The following TMEM132D variants were observed in gnomAD, a reference collection of about 807,000 sequenced individuals.
The protein encoded by TMEM132D is mature OL transmembrane protein.
In TMEM132D, 21 loss-of-function variants were observed where a neutral mutation model predicts 62.3. The ratio of observed to expected loss-of-function variants is 0.34; its 90% CI spans 0.24 to 0.49. TMEM132D has a LOEUF of 0.49. TMEM132D is among the 20% of genes least tolerant of loss of function. TMEM132D has a pLI of 0.99. For missense variants in TMEM132D, 1,346 were observed against 1,402.8 expected, an observed-to-expected ratio of 0.96 and a Z score of 0.65; for synonymous variants, 621 against 575.6, an observed-to-expected ratio of 1.08 and a Z score of -1.13.
At chr12:129,691,067 A>C (rs1196134715) in intron 2 of TMEM132D, among the ~76,000 whole-genome samples, 1 of 152,098 alleles carries the variant, frequency 6.6e-6, no homozygotes, top group Non-Finnish European at 1.5e-5. Context: ...TGTTAATTAA[A>C]AACACACTTC....
chr12:129,209,434 AG>A, intron 5 of TMEM132D, 85 bp downstream of exon 5: 1 of 1,531,920 alleles, frequency 6.5e-7, no homozygotes, highest in Non-Finnish European at 8.9e-7. Context: ...GAGGTCCCAG[AG>A]GTCCCAGAGG....
At chr12:129,731,543 G>A (rs1283666995) in intron 1 of TMEM132D, among the ~76,000 whole-genome samples, 1 of 152,192 alleles carries the variant, frequency 6.6e-6, no homozygotes, top group Non-Finnish European at 1.5e-5. Context: ...CCTGCCAGGT[G>A]TGTATGAATA....
chr12:129,142,959 C>T (rs1169414296), intron 5 of TMEM132D, among the ~76,000 whole-genome samples: 2 of 152,144 alleles, frequency 1.3e-5, no homozygotes, highest in African/African-American at 4.8e-5. Flanking sequence ...AAAAATCTCT[C>T]AAACTGTGTT....
intron 1 of TMEM132D, among the ~76,000 whole-genome samples, chr12:129,801,310 G>C (rs911179134): frequency 2.6e-5 from 4 of 151,090 alleles, no homozygotes; most frequent in Admixed American, 2.6e-4. Flanking sequence ...GCTTTGAAGA[G>C]AGCAGTGGTT....
chr12:129,772,344 T>C (rs1016946879), intron 1 of TMEM132D, among the ~76,000 whole-genome samples: 1 of 152,220 alleles, frequency 6.6e-6, no homozygotes, highest in African/African-American at 2.4e-5. Flanking sequence ...AAACTGTATC[T>C]TTTTAATTTA....
At chr12:129,149,868 T>C (rs1327171436) in intron 5 of TMEM132D, among the ~76,000 whole-genome samples, 2 of 152,202 alleles carry the variant, frequency 1.3e-5, no homozygotes, top group Non-Finnish European at 2.9e-5. Context: ...CTGTGTGTCC[T>C]GAACACTCCT....
intron 5 of TMEM132D, among the ~76,000 whole-genome samples, chr12:129,131,068 G>T (rs1353742120): frequency 6.6e-6 from 1 of 152,158 alleles, no homozygotes; most frequent in Non-Finnish European, 1.5e-5. Flanking sequence ...TCATTTGGGA[G>T]ACCTACTGGC....
intron 3 of TMEM132D, among the ~76,000 whole-genome samples, chr12:129,439,654 G>A (rs1372463049): frequency 6.6e-6 from 1 of 152,152 alleles, no homozygotes; most frequent in Non-Finnish European, 1.5e-5. Flanking sequence ...TCACCATGTT[G>A]ACCAGGCTGG....
At chr12:129,461,377 G>T (rs1873663478) in intron 3 of TMEM132D, among the ~76,000 whole-genome samples, 2 of 152,140 alleles carry the variant, frequency 1.3e-5, no homozygotes, top group African/African-American at 4.8e-5. Context: ...AATGTGGACT[G>T]AGAAACCAGA....
chr12:129,840,593 C>G (rs1266496325), intron 1 of TMEM132D: 3 of 152,214 alleles, frequency 2.0e-5, no homozygotes, highest in Non-Finnish European at 4.4e-5. Context: ...TCCGAGAAGG[C>G]ACACACAGAA....
chr12:129,429,727 C>G (rs909464109), intron 3 of TMEM132D, among the ~76,000 whole-genome samples: 4 of 124,726 alleles, frequency 3.2e-5, no homozygotes, highest in African/African-American at 1.2e-4. Context: ...AATGCTATCC[C>G]TCCCCCCTCC....
intron 3 of TMEM132D, among the ~76,000 whole-genome samples, chr12:129,428,455 G>T (rs947891137): frequency 1.3e-5 from 2 of 152,212 alleles, no homozygotes; most frequent in African/African-American, 4.8e-5. Context: ...GCAACTTTGT[G>T]TCTAATGTGA....
chr12:129,903,291 G>A lies in TMEM132D; in HGVS notation c.49C>T (p.Leu17Phe). ...GTLWHHWSPVLISLAALFSKV... is the reference protein window; with the variant it reads ...GTLWHHWSPVFISLAALFSKV... ...GAAAACAGGGCGGCCAGGCTGATGA[G>A]TACCGGCGACCAGTGGTGCCACAGC... The change falls in exon 1 of 9, where the codon CTC (leucine) becomes TTC (phenylalanine). Residue 17 changes from leucine to phenylalanine, a missense_variant. Leu to Phe is a conservative substitution (Grantham distance 22, BLOSUM62 0). Transcript: ENST00000422113. This position sits in a 1 kb window ranked among gnomAD's most constrained non-coding sequence, Gnocchi z 6.2. 6.4e-7 allele frequency: 1 copy of A among 1,554,532 alleles called. No homozygotes were observed. The highest frequency in any genetic ancestry group is 2.4e-5 in the East Asian group (1 of 41,050).
At chr12:129,761,894 C>T (rs1244826480) in intron 1 of TMEM132D, among the ~76,000 whole-genome samples, 3 of 152,142 alleles carry the variant, frequency 2.0e-5, no homozygotes, top group African/African-American at 4.8e-5. Flanking sequence ...GCAACTGGCA[C>T]GCAAGTAAGC....
rs994231704 is a variant in TMEM132D at position 129,686,983 on chromosome 12, C to T, written c.968+12827G>A. On this transcript the variant is annotated intron_variant, in intron 2 of 8. Transcript: ENST00000422113. Reference sequence around the variant, plus strand: ...TCAAATGGGTATAAAAATCTCACTGCGCTAGCCTCCTTTAAGGTTCCTCGG... The same window carrying T: ...TCAAATGGGTATAAAAATCTCACTGTGCTAGCCTCCTTTAAGGTTCCTCGG... Among the ~76,000 whole-genome samples the T allele has an allele frequency of 3.3e-5, 5 of 152,164 alleles. No individual in the cohort carries two copies. In the East Asian group the frequency reaches 5.8e-4, roughly 18 times the overall value.
intron 1 of TMEM132D, among the ~76,000 whole-genome samples, chr12:129,863,135 T>A (rs1238491643): frequency 6.6e-6 from 1 of 152,178 alleles, no homozygotes; most frequent in East Asian, 1.9e-4. Context: ...CACATTAAAG[T>A]CACTATAATT....
intron 1 of TMEM132D, among the ~76,000 whole-genome samples, chr12:129,848,407 C>T (rs1313485103): frequency 1.3e-5 from 2 of 152,076 alleles, no homozygotes; most frequent in Non-Finnish European, 2.9e-5. Context: ...TCTCCCGGTA[C>T]CGGAATGCTT....
chr12:129,220,635 T>C (rs73163150), intron 4 of TMEM132D, among the ~76,000 whole-genome samples: 4,567 of 152,214 alleles, frequency 0.03, 104 homozygotes, highest in Non-Finnish European at 0.044. Flanking sequence ...AGTCTATTCA[T>C]TCTCTTAAAT....
chr12:129,161,272 G>T (rs980308965), intron 5 of TMEM132D, among the ~76,000 whole-genome samples: 1 of 152,090 alleles, frequency 6.6e-6, no homozygotes, highest in African/African-American at 2.4e-5. Context: ...ATGGTAAAAA[G>T]GACCTTGATT....
Sources: allele counts gnomAD v4.1 joint callset (sites outside exome capture counted in the v4.1 genomes callset), GRCh38; gene constraint gnomAD v4.1.1; non-coding constraint Gnocchi (gnomAD v3.1); transcripts MANE v1.5; gene names NCBI Gene and HGNC (gene_info 2026-07-23, HGNC 2026-07-21).